Variants in CYB5R2 observed in about 807,000 individuals in gnomAD.
CYB5R2 encodes the protein cytochrome b5 reductase 2.
A neutral mutation model predicts 29.8 loss-of-function variants in CYB5R2; 35 were observed. The observed-to-expected ratio is 1.17, with a 90% confidence interval of 0.90 to 1.56. The LOEUF is 1.56. CYB5R2 is among the 40% of genes most tolerant of loss of function. CYB5R2 has a pLI of 0.00. For missense variants in CYB5R2, 419 were observed against 346.7 expected (o/e 1.21, Z -1.66); for synonymous variants, 169 against 130.6 (o/e 1.29, Z -2.01).
rs903088485 is a variant in CYB5R2, at chr11:7,665,667, G to C, written c.659-121C>G. On this transcript the variant is annotated intron_variant, in intron 8 of 8. Coordinates refer to ENST00000299498, the MANE Select transcript of CYB5R2 (RefSeq NM_016229.5). ...TGACAAGCTGCTCTACAAAGGCTTA[G>C]AAGTCTGTACTACTGCTCCCTGCAA... The C allele has an allele frequency of 6.1e-5, 76 of 1,235,830 alleles. No individual in the cohort carries two copies. In the African/African-American group the frequency reaches 1.0e-3, roughly 16 times the overall value. 76.6% of individuals were successfully genotyped at this position (1,235,830 alleles called of 1,614,324 possible). A position where few individuals can be genotyped will look rare whatever the true frequency, so the allele number is the denominator to read the frequency against.
At position 7,672,905 on chromosome 11, in the gene CYB5R2, T is replaced by C. The variant is rs781728520; in HGVS notation, c.-66-14A>G. The C allele has an allele frequency of 3.1e-6, 5 of 1,607,120 alleles. No individual in the cohort carries two copies. Among genetic ancestry groups the C allele is most frequent in the Non-Finnish European group, 4.2e-6 (5 of 1,176,664 alleles). On this transcript the variant is annotated splice_polypyrimidine_tract_variant and intron_variant, in intron 1 of 8. Coordinates refer to ENST00000299498, the MANE Select transcript of CYB5R2 (RefSeq NM_016229.5). Reference sequence around the variant, plus strand: ...CAGGGACGGGTCCTGGCAGACACAATGTGAACAGAGCACCTCAGGTCTTGC... The same window carrying C: ...CAGGGACGGGTCCTGGCAGACACAACGTGAACAGAGCACCTCAGGTCTTGC...
At position 7,669,607 on chromosome 11, in the gene CYB5R2, A is replaced by G; in HGVS notation, c.258+18T>C. ...GCTTGGAAGCACGAGCTAGCCAGAT[A>G]TGGTGGGCACTATTTACCTTTATAA... On this transcript the variant is annotated intron_variant, in intron 4 of 8. Coordinates refer to ENST00000299498, the MANE Select transcript of CYB5R2 (RefSeq NM_016229.5). 1 of 1,552,438 alleles carries G rather than the reference A, an allele frequency of 6.4e-7. No homozygotes were observed. The highest frequency in any genetic ancestry group is 8.7e-7 in the Non-Finnish European group (1 of 1,144,664).
chr11:7,669,136 C>A lies in CYB5R2; in HGVS notation c.388+69G>T, dbSNP rs7131416. 3.1e-6 allele frequency: 5 copies of A among 1,590,858 alleles called. No homozygotes were observed. The African/African-American group carries it at 5.4e-5, about 17-fold the overall frequency. ...ATGTGACTCAAATCTGAGGAGTGTA[C>A]GAGAACAATGGAACCATTGCAGGAA... On this transcript the variant is annotated intron_variant, in intron 5 of 8. Transcript: ENST00000299498.
rs576334344 is a variant in CYB5R2, at chr11:7,665,260, G to A, written c.*114C>T. ...CCAAAAGAGGAGAACCAGTGTGTGC[G>A]CGAAGGTACATGGCAAGGCACTTTT... On this transcript the variant is annotated 3_prime_UTR_variant, in exon 9 of 9. Transcript: ENST00000299498. 3.1e-5 allele frequency: 28 copies of A among 911,866 alleles called. No homozygotes were observed. The highest frequency in any genetic ancestry group is 1.1e-4 in the South Asian group (6 of 53,776). 56.5% of individuals were successfully genotyped at this position (911,866 alleles called of 1,614,324 possible). A position where few individuals can be genotyped will look rare whatever the true frequency, so the allele number is the denominator to read the frequency against.
At chr11:7,665,896 C>A (rs756053168) in intron 8 of CYB5R2, 1 of 1,536,140 alleles carries the variant, frequency 6.5e-7, no homozygotes, top group Non-Finnish European at 8.7e-7. Context: ...AGTGGAACTG[C>A]GCAGAATTGC....
rs1413976975 is a variant in CYB5R2, at chr11:7,665,559, A to AGAT, written c.659-16_659-14dup. 1.9e-6 allele frequency: 3 copies of AGAT among 1,591,504 alleles called. No individual in the cohort carries two copies. In the African/African-American group the frequency reaches 4.0e-5, roughly 21 times the overall value. On this transcript the variant is annotated splice_polypyrimidine_tract_variant and intron_variant, in intron 8 of 8. Transcript: ENST00000299498. ...CTGTACTTCCAGCCTGAAATGAAGG[A>AGAT]GATGCAGGAGCAAGCTGAGCGATGC...
chr11:7,672,491 A>G lies in CYB5R2; in HGVS notation c.111T>C (p.Phe37=). ...KISHNTRRFR[F]GLPSPDHVLG... is the part of the protein sequence containing the mutation. ...AGACATGGTCCGGCGAAGGCAGTCC[A>G]AAGCGGAACCTCCGGGTGTTGTGGC... Residue 37 remains phenylalanine (F), a synonymous_variant, in exon 3 of 9, where the codon TTT becomes TTC. Coordinates refer to ENST00000299498, the MANE Select transcript of CYB5R2 (RefSeq NM_016229.5). The G allele has an allele frequency of 6.2e-7, 1 of 1,614,258 alleles. No homozygotes were observed. Among genetic ancestry groups the G allele is most frequent in the Non-Finnish European group, 8.5e-7 (1 of 1,180,034 alleles).
rs1249129203 is a variant in CYB5R2, at chr11:7,665,571, A to T, written c.659-25T>A. ...CCTGAAATGAAGGAGATGCAGGAGCAAGCTGAGCGATGCCAGGTGGAGTTC... is the reference window on the plus strand; with the variant it reads ...CCTGAAATGAAGGAGATGCAGGAGCTAGCTGAGCGATGCCAGGTGGAGTTC... On this transcript the variant is annotated intron_variant, in intron 8 of 8. Coordinates refer to ENST00000299498, the MANE Select transcript of CYB5R2 (RefSeq NM_016229.5). 1.9e-6 allele frequency: 3 copies of T among 1,577,694 alleles called. No individual in the cohort carries two copies. The East Asian group carries it at 6.7e-5, about 35-fold the overall frequency.
At chr11:7,668,419 C>A in intron 6 of CYB5R2, 59 bp downstream of exon 6, 1 of 1,336,526 alleles carries the variant, frequency 7.5e-7, no homozygotes, top group Non-Finnish European at 1.1e-6. Context: ...CAAATGACTC[C>A]CAAGTCAGAA....
At position 7,669,677 on chromosome 11, in the gene CYB5R2, T is replaced by TA. The variant is rs1469813438; in HGVS notation, c.205dup (p.Tyr69LeufsTer7). 2 of 1,613,724 alleles carry TA rather than the reference T, an allele frequency of 1.2e-6. No individual in the cohort carries two copies. Among genetic ancestry groups the TA allele is most frequent in the Admixed American group, 3.3e-5 (2 of 59,978 alleles). ...GTCATCATCACTGGAGACAGGGGTG[T>TA]AAGCCCTGACCACCAATTCATTATC... On this transcript the variant is annotated frameshift_variant, in exon 4 of 9. Coordinates refer to ENST00000299498, the MANE Select transcript of CYB5R2 (RefSeq NM_016229.5). LOFTEE classifies it high-confidence loss of function.
At chr11:7,665,834 T>G in intron 8 of CYB5R2, 4 of 1,534,824 alleles carry the variant, frequency 2.6e-6, no homozygotes, top group Non-Finnish European at 3.5e-6. Context: ...TACCGAGGTG[T>G]GTGAATCAGT....
At chr11:7,668,046 C>T (rs1211394633) in intron 6 of CYB5R2, among the ~76,000 whole-genome samples, 3 of 152,256 alleles carry the variant, frequency 2.0e-5, no homozygotes, top group Non-Finnish European at 4.4e-5. Context: ...ACTCTAAGTT[C>T]TTCAGTGTCC....
Position 7,672,439 on chromosome 11 carries a change from A to G in CYB5R2, c.151+12T>C, listed in dbSNP as rs1377705693. 3 of 1,613,572 alleles carry G rather than the reference A, an allele frequency of 1.9e-6. No individual in the cohort carries two copies. The highest frequency in any genetic ancestry group is 2.5e-6 in the Non-Finnish European group (3 of 1,179,610). ...AGGCCCCAGTCCTGGTGATGACCCA[A>G]GCCCGGCTCACCTACAGGAAGCCCT... On this transcript the variant is annotated intron_variant, in intron 3 of 8. Coordinates refer to ENST00000299498, the MANE Select transcript of CYB5R2 (RefSeq NM_016229.5).
At chr11:7,666,375 A>T in intron 8 of CYB5R2, 76 bp downstream of exon 8, 1 of 932,484 alleles carries the variant, frequency 1.1e-6, no homozygotes, top group South Asian at 1.4e-5. Flanking sequence ...AACAAAACAA[A>T]GAGACAGAGA....
At position 7,667,723 on chromosome 11, in the gene CYB5R2, C is replaced by T. The variant is rs1357182519; in HGVS notation, c.558+5G>A. 1 of 1,612,684 alleles carries T rather than the reference C, an allele frequency of 6.2e-7. No homozygotes were observed. The highest frequency in any genetic ancestry group is 2.2e-5 in the East Asian group (1 of 44,874). On this transcript the variant is annotated splice_donor_5th_base_variant and intron_variant, in intron 7 of 8. Coordinates refer to ENST00000299498, the MANE Select transcript of CYB5R2 (RefSeq NM_016229.5). ...CCTACCACTGCAAGCTCAGCAGGAA[C>T]TGACCTGGTTGGCAAAGATGAGGGA... is the stretch of plus-strand genomic sequence containing the variant.
intron 3 of CYB5R2, 146 bp downstream of exon 3, chr11:7,672,304 CT>C (rs1855794255): frequency 4.6e-6 from 3 of 646,898 alleles, no homozygotes; most frequent in East Asian, 5.5e-5. Context: ...ATCCATCCCC[CT>C]ATCTATCTCC....
intron 7 of CYB5R2, chr11:7,666,904 C>G (rs921776275): frequency 5.3e-6 from 1 of 188,268 alleles, no homozygotes; most frequent in Non-Finnish European, 1.1e-5. Flanking sequence ...CACAGCAAAC[C>G]TAACTGGAAC....
intron 3 of CYB5R2, chr11:7,670,658 A>G (rs1201348338): frequency 3.9e-5 from 6 of 152,236 alleles, no homozygotes; most frequent in Admixed American, 2.0e-4. Context: ...GTAGAATTCA[A>G]TAAACCAGGT....
intron 3 of CYB5R2, chr11:7,670,129 T>C: frequency 5.2e-6 from 1 of 191,150 alleles, no homozygotes; most frequent in Non-Finnish European, 1.1e-5. Context: ...GGCGGGTGGA[T>C]TGCTTGAGCT....
Sources: gnomAD v4.1 joint callset for allele counts (sites outside exome capture counted in the v4.1 genomes callset) on GRCh38, gnomAD v4.1.1 for gene constraint, MANE v1.5 for transcripts, NCBI Gene and HGNC (gene_info 2026-07-23, HGNC 2026-07-21) for gene names.